POU2F1: variants seen among roughly 807,000 people sequenced by gnomAD.
POU2F1 encodes POU domain, class 2, transcription factor 1.
A neutral mutation model predicts 84.9 loss-of-function variants in POU2F1; 16 were observed. That is an observed-to-expected ratio of 0.19 (90% CI 0.13 to 0.29). The LOEUF is 0.29. POU2F1 is among the 10% of genes least tolerant of loss of function. The pLI is 1.00. For missense variants in POU2F1, 738 were observed against 942.6 expected (o/e 0.78, Z 2.84); for synonymous variants, 368 against 368.3 (o/e 1.00, Z 0.01).
Position 167,427,149 on chromosome 1 carries a change from C to T in POU2F1, c.*11339C>T, listed in dbSNP as rs552553941. 6.6e-6 allele frequency: 1 copy of T among 152,304 alleles called. No homozygotes were observed. Among genetic ancestry groups the T allele is most frequent in the Non-Finnish European group, 1.5e-5 (1 of 68,026 alleles). 9.4% of individuals were successfully genotyped at this position (152,304 alleles called of 1,614,324 possible). ...AAAAGTGCCCTTTAGATGATTCCCC[C>T]TCCTAGGGCTGCCTGCAGGGGCTGT... On this transcript the variant is annotated 3_prime_UTR_variant, in exon 16 of 16. Transcript: ENST00000367866.
rs1315094078 is a variant in POU2F1, at chr1:167,415,870, G to A, written c.*60G>A. The A allele has an allele frequency of 2.7e-6, 4 of 1,472,338 alleles. No individual in the cohort carries two copies. The highest frequency in any genetic ancestry group is 3.7e-6 in the Non-Finnish European group (4 of 1,091,450). 91.2% of individuals were successfully genotyped at this position (1,472,338 alleles called of 1,614,324 possible). A position where few individuals can be genotyped will look rare whatever the true frequency, so the allele number is the denominator to read the frequency against. ...ACTCTGCAGTGTGATTGGACTGCCA[G>A]CCAGGTTAATAAACTGAAAAATGTG... On this transcript the variant is annotated 3_prime_UTR_variant, in exon 16 of 16. Coordinates refer to ENST00000367866, the MANE Select transcript of POU2F1 (RefSeq NM_002697.4).
chr1:167,287,980 A>C (rs1653654043), intron 1 of POU2F1, among the ~76,000 whole-genome samples: 1 of 152,262 alleles, frequency 6.6e-6, no homozygotes, highest in African/African-American at 2.4e-5. Context: ...TCAAGTTATA[A>C]AATACTGAGA....
intron 1 of POU2F1, among the ~76,000 whole-genome samples, chr1:167,293,605 C>T (rs573530858): frequency 6.6e-6 from 1 of 152,122 alleles, no homozygotes; most frequent in African/African-American, 2.4e-5. Flanking sequence ...AGAAAAATAT[C>T]CTAAAATTCA....
At chr1:167,243,661 A>G (rs1650083646) in intron 1 of POU2F1, among the ~76,000 whole-genome samples, 1 of 152,132 alleles carries the variant, frequency 6.6e-6, no homozygotes, top group Non-Finnish European at 1.5e-5. Flanking sequence ...TTTTTATTAG[A>G]GATGGGGTTT....
intron 1 of POU2F1, among the ~76,000 whole-genome samples, chr1:167,239,967 C>A (rs1649780031): frequency 1.3e-5 from 2 of 148,180 alleles, no homozygotes; most frequent in Admixed American, 6.7e-5. Flanking sequence ...TTTCTTTAAG[C>A]TATGAATAGG....
At chr1:167,391,340 G>C (rs1016625586) in intron 9 of POU2F1, among the ~76,000 whole-genome samples, 1 of 152,038 alleles carries the variant, frequency 6.6e-6, no homozygotes, top group Non-Finnish European at 1.5e-5. Context: ...GTATGGATTA[G>C]ACTGGGTGCC....
chr1:167,262,813 A>G (rs919793629), intron 1 of POU2F1, among the ~76,000 whole-genome samples: 3 of 152,186 alleles, frequency 2.0e-5, no homozygotes, highest in African/African-American at 7.2e-5. Context: ...TAAGAAAGAA[A>G]AAAACAGTGT....
chr1:167,332,828 T>C (rs576312635), intron 2 of POU2F1, among the ~76,000 whole-genome samples: 1 of 152,326 alleles, frequency 6.6e-6, no homozygotes, highest in South Asian at 2.1e-4. Flanking sequence ...GGTTTACCAC[T>C]TACTAGCTTG....
chr1:167,330,159 G>T (rs144749995), intron 1 of POU2F1, among the ~76,000 whole-genome samples: 1 of 152,104 alleles, frequency 6.6e-6, no homozygotes, highest in African/African-American at 2.4e-5. Flanking sequence ...TAGTCACCTG[G>T]AAAGTTAAAT....
intron 1 of POU2F1, among the ~76,000 whole-genome samples, chr1:167,225,579 G>A (rs1379612317): frequency 2.0e-5 from 3 of 152,342 alleles, no homozygotes; most frequent in African/African-American, 7.2e-5. Context: ...CACCAAAGAT[G>A]TTTAATAGAC....
At chr1:167,323,853 T>C (rs1204783956) in intron 1 of POU2F1, among the ~76,000 whole-genome samples, 1 of 152,110 alleles carries the variant, frequency 6.6e-6, no homozygotes, top group African/African-American at 2.4e-5. Context: ...CCATCACGCC[T>C]AGCTAATTTT....
intron 7 of POU2F1, among the ~76,000 whole-genome samples, chr1:167,377,390 T>G (rs1241276073): frequency 6.6e-6 from 1 of 151,954 alleles, no homozygotes; most frequent in Non-Finnish European, 1.5e-5. Flanking sequence ...ATCGAGACCA[T>G]CCTAGCTAAC....
At position 167,306,637 on chromosome 1, in the gene POU2F1, G is replaced by A. The variant is rs552117809; in HGVS notation, c.62-25833G>A. 2.0e-5 allele frequency among the ~76,000 whole-genome samples: 3 copies of A among 152,202 alleles called. No homozygotes were observed. The South Asian group carries it at 6.2e-4, about 32-fold the overall frequency. ...GTACTACAAACAACAGAAATTTATT[G>A]TCTCTCAGTTCTGGAGGCTAGAAGT... is the stretch of plus-strand genomic sequence containing the variant. On this transcript the variant is annotated intron_variant, in intron 1 of 15. Transcript: ENST00000367866.
intron 3 of POU2F1, among the ~76,000 whole-genome samples, chr1:167,367,777 T>A (rs148824116): frequency 0.011 from 1,659 of 152,248 alleles, 18 homozygotes; most frequent in South Asian, 0.024. Flanking sequence ...TGTATATGTA[T>A]GTATGTACAC....
chr1:167,337,331 A>C (rs1318091694), intron 2 of POU2F1, among the ~76,000 whole-genome samples: 1 of 152,042 alleles, frequency 6.6e-6, no homozygotes, highest in Non-Finnish European at 1.5e-5. Flanking sequence ...CTCAAAAAAA[A>C]AAGAAAGAAA....
intron 1 of POU2F1, among the ~76,000 whole-genome samples, chr1:167,255,163 C>G (rs1571174263): frequency 6.6e-6 from 1 of 152,292 alleles, no homozygotes; most frequent in East Asian, 1.9e-4. Flanking sequence ...AAGTCTCATT[C>G]AATAGGTACT....
intron 2 of POU2F1, among the ~76,000 whole-genome samples, chr1:167,334,528 G>GA (rs1358557759): frequency 3.9e-5 from 6 of 152,248 alleles, no homozygotes; most frequent in African/African-American, 1.4e-4. Flanking sequence ...GTTTCCCCAT[G>GA]AAGTGCAATA....
At position 167,303,603 on chromosome 1, in the gene POU2F1, T is replaced by TA. The variant is rs1654861309; in HGVS notation, c.62-28865dup. 3 of 153,086 alleles carry TA rather than the reference T, an allele frequency of 2.0e-5. No homozygotes were observed. The South Asian group carries it at 6.2e-4, about 31-fold the overall frequency. 9.5% of individuals were successfully genotyped at this position (153,086 alleles called of 1,614,324 possible). On this transcript the variant is annotated intron_variant, in intron 1 of 15. Transcript: ENST00000367866. ...AATATTTTCTGCTAAATAAAGCTAT[T>TA]AATTTAGTAGCATCTGATAAATCCA...
intron 1 of POU2F1, among the ~76,000 whole-genome samples, chr1:167,324,241 G>A (rs1250047125): frequency 6.6e-6 from 1 of 151,562 alleles, no homozygotes; most frequent in Non-Finnish European, 1.5e-5. Context: ...TTTTAAAGCA[G>A]TGTTTTTTAA....
Sources: allele counts gnomAD v4.1 joint callset (sites outside exome capture counted in the v4.1 genomes callset), GRCh38; gene constraint gnomAD v4.1.1; transcripts MANE v1.5; gene names NCBI Gene and HGNC (gene_info 2026-07-23, HGNC 2026-07-21).